LRRC69: variants seen among roughly 807,000 people sequenced by gnomAD.
LRRC69 encodes the protein leucine rich repeat containing 69.
LRRC69 carries 42 observed loss-of-function variants against 37.8 expected under a neutral mutation model. That is an observed-to-expected ratio of 1.11 (90% CI 0.87 to 1.44). The LOEUF is 1.44. Ranked by LOEUF, LRRC69 falls within the 40% of genes most tolerant of loss-of-function variation. LRRC69 has a pLI of 0.00. For missense variants in LRRC69, 357 were observed against 401.9 expected (o/e 0.89, Z 0.96); for synonymous variants, 141 against 143.1 (o/e 0.99, Z 0.11).
At chr8:91,142,398 T>C (rs1808546214) in intron 5 of LRRC69, among the ~76,000 whole-genome samples, 1 of 152,128 alleles carries the variant, frequency 6.6e-6, no homozygotes, top group Non-Finnish European at 1.5e-5. Flanking sequence ...GGATGAATAC[T>C]TTGCTGTTAT....
chr8:91,104,793 G>C (rs1439266480), intron 1 of LRRC69, among the ~76,000 whole-genome samples: 1 of 151,858 alleles, frequency 6.6e-6, no homozygotes, highest in Non-Finnish European at 1.5e-5. Flanking sequence ...TCCTAGTCTG[G>C]GTATGTGGTA....
intron 1 of LRRC69, among the ~76,000 whole-genome samples, chr8:91,122,878 G>A (rs1291622302): frequency 6.6e-6 from 1 of 152,040 alleles, no homozygotes; most frequent in East Asian, 1.9e-4. Flanking sequence ...TAGGTTATAT[G>A]ACAAAGGGAA....
At chr8:91,185,856 G>C (rs1809399463) in intron 5 of LRRC69, among the ~76,000 whole-genome samples, 1 of 152,054 alleles carries the variant, frequency 6.6e-6, no homozygotes, top group Admixed American at 6.6e-5. Flanking sequence ...AGAATGCACA[G>C]GGATTTGTCA....
At position 91,189,410 on chromosome 8, in the gene LRRC69, T is replaced by A. The variant is rs973932070; in HGVS notation, c.652-112T>A. On this transcript the variant is annotated intron_variant, in intron 5 of 7. Transcript: ENST00000448384. ...CTTAAATCCACATTAGTATTTACTG[T>A]GGATTTTTAGTCCTAAATAAAGTAA... 22 of 723,822 alleles carry A rather than the reference T, an allele frequency of 3.0e-5. No individual in the cohort carries two copies. The Admixed American group carries it at 3.3e-4, about 11-fold the overall frequency. 44.8% of individuals were successfully genotyped at this position (723,822 alleles called of 1,614,324 possible).
chr8:91,115,337 G>C (rs1457506246), intron 1 of LRRC69, among the ~76,000 whole-genome samples: 1 of 151,948 alleles, frequency 6.6e-6, no homozygotes, highest in African/African-American at 2.4e-5. Flanking sequence ...ATGCCTCCAG[G>C]CAGGTAACAT....
chr8:91,145,366 C>T (rs971948882), intron 5 of LRRC69, among the ~76,000 whole-genome samples: 11 of 151,914 alleles, frequency 7.2e-5, no homozygotes, highest in African/African-American at 2.7e-4. Context: ...TTCCAGTTGG[C>T]TGCCTCATCC....
intron 6 of LRRC69, among the ~76,000 whole-genome samples, chr8:91,195,120 G>T (rs1809572579): frequency 6.6e-6 from 1 of 152,194 alleles, no homozygotes; most frequent in East Asian, 1.9e-4. Context: ...TCATTCAAGA[G>T]CAGGTTGTTC....
intron 5 of LRRC69, among the ~76,000 whole-genome samples, chr8:91,148,845 A>T (rs1808672628): frequency 6.6e-6 from 1 of 151,812 alleles, no homozygotes; most frequent in Non-Finnish European, 1.5e-5. Flanking sequence ...GATGATGAGC[A>T]TTTTTTCATG....
intron 5 of LRRC69, among the ~76,000 whole-genome samples, chr8:91,171,551 T>G (rs762190510): frequency 6.6e-6 from 1 of 152,056 alleles, no homozygotes; most frequent in Non-Finnish European, 1.5e-5. Flanking sequence ...AATCTTAGAA[T>G]CAGCACAGAT....
intron 5 of LRRC69, among the ~76,000 whole-genome samples, chr8:91,164,513 T>C (rs1347304440): frequency 6.6e-6 from 1 of 151,660 alleles, no homozygotes; most frequent in Non-Finnish European, 1.5e-5. Context: ...TGGTTAGCTA[T>C]GGTTTCATCT....
In LRRC69 at chr8:91,191,049, C is replaced by T. The variant is rs543922051; in HGVS notation, c.753+1426C>T. Among the ~76,000 whole-genome samples, 27 of 145,096 alleles carry T rather than the reference C, an allele frequency of 1.9e-4. No individual in the cohort carries two copies. The South Asian group carries it at 3.8e-3, about 20-fold the overall frequency. On this transcript the variant is annotated intron_variant, in intron 6 of 7. Transcript: ENST00000448384. ...GCAGGATCCTGTCTCAAACCCCCCC[C>T]CCCCCAAGTCAAAAAGCAACAACAA...
intron 5 of LRRC69, among the ~76,000 whole-genome samples, chr8:91,183,885 T>C (rs1439047703): frequency 6.6e-6 from 1 of 152,142 alleles, no homozygotes; most frequent in African/African-American, 2.4e-5. Flanking sequence ...CAGAAAGGTT[T>C]TGTAAGATAT....
rs202212527 is a variant in LRRC69, at chr8:91,194,013, A to G, written c.753+4390A>G. ...TCATAGATAGCTCTTATTATTTTGA[A>G]ATACGTCCCATCAATACCTAATTTA... is the stretch of plus-strand genomic sequence containing the variant. On this transcript the variant is annotated intron_variant, in intron 6 of 7. Coordinates refer to ENST00000448384, the Ensembl canonical transcript of LRRC69. Among the ~76,000 whole-genome samples the G allele has an allele frequency of 4.1e-3, 515 of 124,148 alleles. 2 individuals carry two copies. The highest frequency in any genetic ancestry group is 0.016 in the African/African-American group (492 of 31,134). The allele number at this position is 124,148 out of a possible 152,430, so 81.4% of individuals were successfully genotyped here.
chr8:91,213,304 C>T (rs2130649599), intron 7 of LRRC69, among the ~76,000 whole-genome samples: 2 of 152,164 alleles, frequency 1.3e-5, no homozygotes, highest in Middle Eastern at 3.4e-3. Context: ...GTCGTCTAAG[C>T]CAAGATGCTT....
chr8:91,163,734 A>G (rs555446250), intron 5 of LRRC69, among the ~76,000 whole-genome samples: 37 of 151,598 alleles, frequency 2.4e-4, no homozygotes, highest in African/African-American at 8.2e-4. Flanking sequence ...TCAGGTAGTT[A>G]AAATTATATA....
At chr8:91,111,392 G>T (rs1487568437) in intron 1 of LRRC69, among the ~76,000 whole-genome samples, 4 of 151,906 alleles carry the variant, frequency 2.6e-5, no homozygotes, top group African/African-American at 9.7e-5. Flanking sequence ...AAATTAGTTG[G>T]GCACAGTGGC....
intron 1 of LRRC69, among the ~76,000 whole-genome samples, chr8:91,121,824 C>T (rs1389028247): frequency 6.6e-6 from 1 of 151,974 alleles, no homozygotes; most frequent in African/African-American, 2.4e-5. Flanking sequence ...TATGTATTCA[C>T]TTAGAATATG....
At chr8:91,197,315 C>T (rs1413015712) in intron 6 of LRRC69, among the ~76,000 whole-genome samples, 2 of 152,162 alleles carry the variant, frequency 1.3e-5, no homozygotes, top group African/African-American at 2.4e-5. Flanking sequence ...GCCCTGCCCC[C>T]AGAGGTGGAG....
intron 5 of LRRC69, among the ~76,000 whole-genome samples, chr8:91,175,793 A>C (rs1362092651): frequency 1.4e-5 from 2 of 143,508 alleles, no homozygotes; most frequent in Non-Finnish European, 3.0e-5. Context: ...CTAAGTTCTG[A>C]GTAAGACGTG....
Sources: allele counts gnomAD v4.1 joint callset (sites outside exome capture counted in the v4.1 genomes callset), GRCh38; gene constraint gnomAD v4.1.1; transcripts MANE v1.5; gene names NCBI Gene and HGNC (gene_info 2026-07-23, HGNC 2026-07-21).